SORL1: variants seen among roughly 807,000 people sequenced by gnomAD.
SORL1 encodes the protein sortilin-related receptor.
Under a neutral mutation model 273.7 loss-of-function variants are expected in SORL1, and 127 were observed. That is an observed-to-expected ratio of 0.46 (90% CI 0.40 to 0.54). The LOEUF (loss-of-function observed/expected upper bound fraction) is 0.54. Ranked by LOEUF, SORL1 falls within the 20% of genes least tolerant of loss-of-function variation. The pLI, the probability that SORL1 is intolerant of heterozygous loss-of-function variation, is 0.00. For missense variants in SORL1, 2,494 were observed against 2,846.1 expected (o/e 0.88, Z 2.81); for synonymous variants, 1,031 against 1,067.4 (o/e 0.97, Z 0.66).
intron 25 of SORL1, among the ~76,000 whole-genome samples, chr11:121,579,224 A>G (rs899985754): frequency 5.9e-5 from 9 of 152,224 alleles, no homozygotes; most frequent in Admixed American, 5.9e-4. Context: ...GCTCAGCTGC[A>G]GCCTTGTTCC....
chr11:121,530,787 T>C (rs1862192624), intron 11 of SORL1, among the ~76,000 whole-genome samples: 1 of 152,212 alleles, frequency 6.6e-6, no homozygotes, highest in South Asian at 2.1e-4. Flanking sequence ...CCTACTGTTA[T>C]TGTTCCTTGT....
At chr11:121,553,018 G>A (rs1287033744) in intron 16 of SORL1, among the ~76,000 whole-genome samples, 1 of 152,188 alleles carries the variant, frequency 6.6e-6, no homozygotes, top group Non-Finnish European at 1.5e-5. Flanking sequence ...CTGACATTAG[G>A]TAAGTATCTT....
chr11:121,537,184 G>T (rs1413485572), intron 12 of SORL1, among the ~76,000 whole-genome samples: 1 of 152,192 alleles, frequency 6.6e-6, no homozygotes, highest in Non-Finnish European at 1.5e-5. Flanking sequence ...CTGGAGGAAG[G>T]TATCTATGTA....
At chr11:121,604,007 C>T (rs1186423707) in intron 32 of SORL1, among the ~76,000 whole-genome samples, 186 bp from the exon 33 acceptor site, 1 of 152,210 alleles carries the variant, frequency 6.6e-6, no homozygotes, top group Non-Finnish European at 1.5e-5. Context: ...AATGCAGATT[C>T]CAGTTGTTAA....
intron 6 of SORL1, among the ~76,000 whole-genome samples, chr11:121,501,468 G>A (rs1235597127): frequency 6.6e-6 from 1 of 152,076 alleles, no homozygotes; most frequent in Admixed American, 6.6e-5. Flanking sequence ...CATACAATTT[G>A]TGACTTTATT....
chr11:121,537,502 GTATAT>G (rs1862283750), intron 12 of SORL1, among the ~76,000 whole-genome samples: 1 of 152,146 alleles, frequency 6.6e-6, no homozygotes, highest in South Asian at 2.1e-4. Flanking sequence ...TTGCAGGGCT[GTATAT>G]TAAATGCAGA....
At chr11:121,599,072 A>T (rs1863345562) in intron 32 of SORL1, among the ~76,000 whole-genome samples, 2 of 152,080 alleles carry the variant, frequency 1.3e-5, no homozygotes, top group South Asian at 2.1e-4. Context: ...AATCATAAGG[A>T]ATCTTTCATT....
chr11:121,559,486 A>T, intron 20 of SORL1, 33 bp from the exon 21 acceptor site: 1 of 1,603,248 alleles, frequency 6.2e-7, no homozygotes, highest in South Asian at 1.1e-5. Flanking sequence ...AGAACGAAAG[A>T]GCTGGACTAA....
intron 45 of SORL1, among the ~76,000 whole-genome samples, chr11:121,624,856 G>A (rs796444227): frequency 3.9e-5 from 6 of 152,198 alleles, no homozygotes; most frequent in African/African-American, 1.4e-4. Context: ...GATATAGCTT[G>A]TTGTGGGGGG....
At chr11:121,470,272 T>TA in intron 2 of SORL1, 149 bp downstream of exon 2, 1 of 710,930 alleles carries the variant, frequency 1.4e-6, no homozygotes, top group Non-Finnish European at 2.6e-6. Context: ...TAGAAAATGA[T>TA]ATATCCCTTG....
chr11:121,547,934 A>T (rs1862457867), intron 14 of SORL1, among the ~76,000 whole-genome samples: 1 of 152,166 alleles, frequency 6.6e-6, no homozygotes, highest in Admixed American at 6.5e-5. Context: ...GTTATTTCTG[A>T]TAGTCCTTTT....
At chr11:121,571,001 C>G (rs1409355551) in intron 23 of SORL1, among the ~76,000 whole-genome samples, 1 of 152,220 alleles carries the variant, frequency 6.6e-6, no homozygotes. Flanking sequence ...GTCATGCACT[C>G]ACTCAACAAG....
At position 121,596,644 on chromosome 11, in the gene SORL1, G is replaced by A. The variant is rs1011338583; in HGVS notation, c.4519+872G>A. On this transcript the variant is annotated intron_variant, in intron 32 of 47. Transcript: ENST00000260197. The surrounding 1 kb of genome is among the most constrained non-coding windows in gnomAD (Gnocchi z 4.3). ...CTCCTGCTGGCTGCAGACAGCAGAC[G>A]TCCTAGCCAGTCACACTCCCTTCCT... 3.3e-5 allele frequency among the ~76,000 whole-genome samples: 5 copies of A among 152,120 alleles called. No homozygotes were observed. The highest frequency in any genetic ancestry group is 7.4e-5 in the Non-Finnish European group (5 of 68,020).
chr11:121,532,881 A>G (rs570723283), intron 12 of SORL1, among the ~76,000 whole-genome samples: 1 of 152,076 alleles, frequency 6.6e-6, no homozygotes, highest in East Asian at 1.9e-4. Flanking sequence ...ACACGGTTTT[A>G]CCATGTTGAT....
At chr11:121,474,502 A>G (rs1223377341) in intron 2 of SORL1, among the ~76,000 whole-genome samples, 1 of 152,178 alleles carries the variant, frequency 6.6e-6, no homozygotes, top group Admixed American at 6.5e-5. Flanking sequence ...TTTGAGGTAC[A>G]AGGGAAAGAA....
At chr11:121,520,262 A>T (rs1206030627) in intron 8 of SORL1, among the ~76,000 whole-genome samples, 1 of 152,216 alleles carries the variant, frequency 6.6e-6, no homozygotes, top group African/African-American at 2.4e-5. Flanking sequence ...CTGTCTCCAA[A>T]AAAAAAGGAA....
At position 121,629,795 on chromosome 11, in the gene SORL1, T is replaced by G; in HGVS notation, c.*232T>G. On this transcript the variant is annotated 3_prime_UTR_variant, in exon 48 of 48. Transcript: ENST00000260197. ...GTAACCCAATTGCTTTGATTTGACA[T>G]TAATGTAGTCTTACAGGGCTGTGCT... 1.9e-6 allele frequency: 1 copy of G among 538,312 alleles called. No individual in the cohort carries two copies. Among genetic ancestry groups the G allele is most frequent in the South Asian group, 2.4e-5 (1 of 41,588 alleles). The allele number at this position is 538,312 out of a possible 1,614,324, so 33.3% of individuals were successfully genotyped here.
chr11:121,469,958 G>A, intron 1 of SORL1, 49 bp from the exon 2 acceptor site: 1 of 1,118,498 alleles, frequency 8.9e-7, no homozygotes. Flanking sequence ...TAGAATGTGT[G>A]TGGCCATCAC....
Position 121,625,269 on chromosome 11 carries a change from T to C in SORL1, c.6356T>C (p.Leu2119Pro), listed in dbSNP as rs375087515. 6.6e-5 allele frequency: 106 copies of C among 1,609,964 alleles called. No individual in the cohort carries two copies. The Admixed American group carries it at 7.6e-4, about 12-fold the overall frequency. Residue 2119 changes from leucine (L) to proline (P), a missense_variant, in exon 46 of 48, where the codon CTG becomes CCG. Coordinates refer to ENST00000260197, the MANE Select transcript of SORL1 (RefSeq NM_003105.6). ...GEPAILLYDE[L>P]GSGADASATQ... ...CCTGCCATCCTGCTGTACGATGAGC[T>C]GGGGTCTGGTGAGTTGCGATTGCTG...
Sources: gnomAD v4.1 joint callset for allele counts (sites outside exome capture counted in the v4.1 genomes callset) on GRCh38, gnomAD v4.1.1 for gene constraint, Gnocchi (gnomAD v3.1) non-coding constraint, MANE v1.5 for transcripts, NCBI Gene and HGNC (gene_info 2026-07-23, HGNC 2026-07-21) for gene names.